CADM1: variants seen among roughly 807,000 people sequenced by gnomAD.
CADM1 encodes TSLC-1.
CADM1 carries 15 observed loss-of-function variants against 53.1 expected under a neutral mutation model. That is an observed-to-expected ratio of 0.28 (90% CI 0.19 to 0.44). The LOEUF is 0.44. Ranked by LOEUF, CADM1 falls within the 20% of genes least tolerant of loss-of-function variation. CADM1 has a pLI of 1.00. For synonymous variants in CADM1, 281 were observed against 243.0 expected (o/e 1.16, Z -1.45); for missense variants, 434 against 611.3 (o/e 0.71, Z 3.06).
At chr11:115,190,789 A>G in intron 10 of CADM1, 99 bp downstream of exon 10, 1 of 983,688 alleles carries the variant, frequency 1.0e-6, no homozygotes, top group Non-Finnish European at 1.5e-6. Context: ...CTCAAAATCC[A>G]CACTGATTGC....
intron 1 of CADM1, among the ~76,000 whole-genome samples, chr11:115,390,688 G>A (rs1946814264): frequency 6.7e-6 from 1 of 148,534 alleles, no homozygotes; most frequent in Non-Finnish European, 1.5e-5. Flanking sequence ...AAAAAAAAAA[G>A]GTTGGGGGAG....
chr11:115,490,726 G>A (rs573491445), intron 1 of CADM1, among the ~76,000 whole-genome samples: 4 of 152,166 alleles, frequency 2.6e-5, no homozygotes, highest in South Asian at 4.1e-4. Context: ...AGTTTTAGAC[G>A]TCTTGAATTT....
At chr11:115,386,133 C>G (rs1375080614) in intron 1 of CADM1, among the ~76,000 whole-genome samples, 1 of 152,220 alleles carries the variant, frequency 6.6e-6, no homozygotes, top group East Asian at 1.9e-4. Flanking sequence ...TCTGGCAGTT[C>G]ATTAAGTCAT....
intron 1 of CADM1, among the ~76,000 whole-genome samples, chr11:115,450,180 G>A (rs1948541249): frequency 6.6e-6 from 1 of 152,202 alleles, no homozygotes; most frequent in Admixed American, 6.5e-5. Context: ...AAGGAGGGGT[G>A]TGACAGGTGC....
At chr11:115,194,832 A>G (rs1420505087) in intron 9 of CADM1, among the ~76,000 whole-genome samples, 1 of 152,198 alleles carries the variant, frequency 6.6e-6, no homozygotes, top group Non-Finnish European at 1.5e-5. Context: ...GAGGGGACAC[A>G]CAGGGCAGAA....
rs370339316 is a variant in CADM1 at position 115,176,561 on chromosome 11, G to A, written c.1329C>T (p.Ala443=). 55 of 1,613,938 alleles carry A rather than the reference G, an allele frequency of 3.4e-5. No individual in the cohort carries two copies. The African/African-American group carries it at 3.5e-4, about 10-fold the overall frequency. ...CTGTGTCTGCGTCTGCTGCGTCATCGGCTCCTTTGGCTTCATGAGTGAAGT... is the reference window on the plus strand; with the variant it reads ...CTGTGTCTGCGTCTGCTGCGTCATCAGCTCCTTTGGCTTCATGAGTGAAGT... ...GTYFTHEAKG[A]DDAADADTAI... Residue 443 remains alanine, a synonymous_variant, in exon 12 of 12, where the codon GCC becomes GCT. Transcript: ENST00000331581.
intron 1 of CADM1, among the ~76,000 whole-genome samples, chr11:115,459,215 C>A (rs1475642139): frequency 6.6e-6 from 1 of 152,170 alleles, no homozygotes; most frequent in African/African-American, 2.4e-5. Flanking sequence ...TGTCTCTGGT[C>A]TGATTCCTTC....
chr11:115,350,986 G>A (rs1945720314), intron 1 of CADM1, among the ~76,000 whole-genome samples: 1 of 150,198 alleles, frequency 6.7e-6, no homozygotes, highest in Non-Finnish European at 1.5e-5. Context: ...CCCATTAGTT[G>A]TGTTTCCAGT....
intron 9 of CADM1, among the ~76,000 whole-genome samples, chr11:115,192,139 C>T (rs1939903499): frequency 6.6e-6 from 1 of 152,226 alleles, no homozygotes; most frequent in African/African-American, 2.4e-5. Context: ...AAATGAACCA[C>T]AACAGTCATG....
intron 10 of CADM1, among the ~76,000 whole-genome samples, chr11:115,180,997 G>A (rs1246628474): frequency 6.6e-6 from 1 of 152,158 alleles, no homozygotes; most frequent in Non-Finnish European, 1.5e-5. Flanking sequence ...TTAGGCACAA[G>A]AGGCAAGAGG....
At chr11:115,196,333 C>T (rs939503418) in intron 9 of CADM1, among the ~76,000 whole-genome samples, 10 of 152,006 alleles carry the variant, frequency 6.6e-5, no homozygotes, top group South Asian at 2.1e-4. Context: ...TTTCCTACTT[C>T]GAATAGCCTA....
intron 1 of CADM1, among the ~76,000 whole-genome samples, chr11:115,492,950 C>A (rs1027407755): frequency 6.6e-6 from 1 of 151,748 alleles, no homozygotes; most frequent in Admixed American, 6.6e-5. Flanking sequence ...CACACACACA[C>A]ACACACACAC....
chr11:115,303,698 C>T (rs1333151341), intron 1 of CADM1, among the ~76,000 whole-genome samples: 2 of 151,976 alleles, frequency 1.3e-5, no homozygotes, highest in Non-Finnish European at 2.9e-5. Context: ...ACTCTTTCCT[C>T]GGAGAAGAAG....
At chr11:115,352,061 A>G (rs552730181) in intron 1 of CADM1, among the ~76,000 whole-genome samples, 14 of 152,198 alleles carry the variant, frequency 9.2e-5, no homozygotes, top group Non-Finnish European at 1.5e-4. Flanking sequence ...CCAATAACAA[A>G]TTGTGCAGAT....
intron 1 of CADM1, among the ~76,000 whole-genome samples, chr11:115,428,216 G>C (rs150666346): frequency 7.2e-4 from 109 of 152,022 alleles, no homozygotes; most frequent in African/African-American, 2.6e-3. Flanking sequence ...TCTTATATAG[G>C]TTTAAAATAT....
intron 1 of CADM1, among the ~76,000 whole-genome samples, chr11:115,305,664 T>C (rs1944344703): frequency 6.6e-6 from 1 of 151,898 alleles, no homozygotes; most frequent in Non-Finnish European, 1.5e-5. Flanking sequence ...CCCTCTGTGT[T>C]TTCTGCAGCT....
chr11:115,356,122 C>T (rs575025613), intron 1 of CADM1, among the ~76,000 whole-genome samples: 73 of 152,136 alleles, frequency 4.8e-4, no homozygotes, highest in East Asian at 1.5e-3. Flanking sequence ...TAAGCTACCG[C>T]GCCCGGCTGA....
chr11:115,232,093 A>T (rs1401267876), intron 3 of CADM1, among the ~76,000 whole-genome samples: 1 of 152,234 alleles, frequency 6.6e-6, no homozygotes, highest in Non-Finnish European at 1.5e-5. Flanking sequence ...GTCACCAGTC[A>T]TTCAAAAATT....
intron 1 of CADM1, among the ~76,000 whole-genome samples, chr11:115,383,767 A>G (rs1946634530): frequency 6.6e-6 from 1 of 152,252 alleles, no homozygotes; most frequent in Admixed American, 6.5e-5. Flanking sequence ...TTTCTGAAAC[A>G]CAGATTTTAT....
Sources: allele counts gnomAD v4.1 joint callset (sites outside exome capture counted in the v4.1 genomes callset), GRCh38; gene constraint gnomAD v4.1.1; transcripts MANE v1.5; gene names NCBI Gene and HGNC (gene_info 2026-07-23, HGNC 2026-07-21).